The following MAEA variants were observed in gnomAD, a reference collection of about 807,000 sequenced individuals.
The protein encoded by MAEA is macrophage erythroblast attacher, E3 ubiquitin ligase.
In MAEA, 22 loss-of-function variants were observed where a neutral mutation model predicts 46.2. The ratio of observed to expected loss-of-function variants is 0.48; its 90% confidence interval spans 0.34 to 0.68. The LOEUF is 0.68. Ranked by LOEUF, MAEA falls within the 30% of genes least tolerant of loss-of-function variation. The pLI is 0.01. For missense variants in MAEA, 393 were observed against 558.1 expected (o/e 0.70, Z 2.98); for synonymous variants, 246 against 222.6 (o/e 1.11, Z -0.94).
intron 3 of MAEA, among the ~76,000 whole-genome samples, chr4:1,317,431 C>T (rs1193692274): frequency 6.6e-6 from 1 of 151,752 alleles, no homozygotes; most frequent in Non-Finnish European, 1.5e-5. Flanking sequence ...CTCTTGCTGG[C>T]TCTTGTCCTC....
chr4:1,301,736 A>G (rs1354431435), intron 1 of MAEA, among the ~76,000 whole-genome samples: 1 of 152,214 alleles, frequency 6.6e-6, no homozygotes, highest in Admixed American at 6.5e-5. Flanking sequence ...GTAAAAATAA[A>G]TAAGCACTGG....
At chr4:1,304,225 C>T (rs544142040) in intron 1 of MAEA, among the ~76,000 whole-genome samples, 5 of 152,124 alleles carry the variant, frequency 3.3e-5, no homozygotes, top group Admixed American at 2.6e-4. Flanking sequence ...TAAAGTATGC[C>T]CTAGCTTTCA....
chr4:1,302,409 A>G (rs1336354736), intron 1 of MAEA, among the ~76,000 whole-genome samples: 2 of 152,250 alleles, frequency 1.3e-5, no homozygotes, highest in Admixed American at 6.5e-5. Context: ...TGCCAGTCAT[A>G]TATCTGTTAA....
At chr4:1,304,254 G>A (rs889778290) in intron 1 of MAEA, among the ~76,000 whole-genome samples, 2 of 152,014 alleles carry the variant, frequency 1.3e-5, no homozygotes, top group Admixed American at 6.5e-5. Context: ...GTACAAAGAG[G>A]GTAAAGAATG....
intron 3 of MAEA, among the ~76,000 whole-genome samples, chr4:1,316,759 C>A (rs78729618): frequency 1.3e-5 from 2 of 152,138 alleles, no homozygotes; most frequent in Non-Finnish European, 2.9e-5. Context: ...CCTTCCCAGC[C>A]TTGGAGGCGG....
intron 2 of MAEA, among the ~76,000 whole-genome samples, chr4:1,314,705 C>T (rs1490598617): frequency 1.3e-5 from 2 of 152,172 alleles, no homozygotes; most frequent in African/African-American, 4.8e-5. Context: ...CTGAAGAAAA[C>T]AGAGACAAAG....
At chr4:1,312,406 G>T in intron 2 of MAEA, 4 of 437,910 alleles carry the variant, frequency 9.1e-6, no homozygotes, top group Non-Finnish European at 1.2e-5. Context: ...AGACCAGGAT[G>T]TATAGCAGGT....
chr4:1,295,748 G>GCCCCCCTCACCTGTGCCTGTAC (rs199963263), intron 1 of MAEA, among the ~76,000 whole-genome samples: 1 of 16,426 alleles, frequency 6.1e-5, no homozygotes, highest in Non-Finnish European at 9.4e-5. Context: ...CCGCGCCTGT[G>GCCCCCCTCACCTGTGCCTGTAC]CCCCCTCACC....
chr4:1,302,021 C>A (rs1365606258), intron 1 of MAEA, among the ~76,000 whole-genome samples: 1 of 152,216 alleles, frequency 6.6e-6, no homozygotes, highest in Non-Finnish European at 1.5e-5. Flanking sequence ...TTTGATATAA[C>A]CTTGAACCAG....
intron 1 of MAEA, among the ~76,000 whole-genome samples, chr4:1,300,487 A>G (rs1004759051): frequency 6.6e-6 from 1 of 152,202 alleles, no homozygotes; most frequent in Non-Finnish European, 1.5e-5. Flanking sequence ...GTGATTATGA[A>G]CTGACACTCC....
chr4:1,310,604 CCTG>C (rs1274239621), intron 1 of MAEA, among the ~76,000 whole-genome samples: 8 of 152,256 alleles, frequency 5.3e-5, no homozygotes, highest in African/African-American at 1.9e-4. Context: ...AAGGGTGAGT[CCTG>C]CTCGGTAGCA....
chr4:1,318,994 G>C (rs76562474), intron 3 of MAEA, among the ~76,000 whole-genome samples: 15 of 152,070 alleles, frequency 9.9e-5, no homozygotes, highest in African/African-American at 1.2e-4. Context: ...GCCTGCTGCC[G>C]AGGGAAGGCT....
At chr4:1,301,669 C>G (rs1220911465) in intron 1 of MAEA, among the ~76,000 whole-genome samples, 1 of 152,142 alleles carries the variant, frequency 6.6e-6, no homozygotes. Context: ...TCCCTGCACT[C>G]CAGCCTGAGC....
At chr4:1,335,846 G>A (rs1712692716) in intron 6 of MAEA, 1 of 64,146 alleles carries the variant, frequency 1.6e-5, no homozygotes, top group South Asian at 8.1e-4. Context: ...CACCTGCCCT[G>A]CAGTGTGTTG....
intron 1 of MAEA, chr4:1,309,662 G>C: frequency 6.5e-7 from 1 of 1,531,962 alleles, no homozygotes; most frequent in Non-Finnish European, 8.7e-7. Context: ...GACCCTGAGA[G>C]CCACTGGCAG....
intron 1 of MAEA, among the ~76,000 whole-genome samples, chr4:1,296,568 G>T (rs111468881): frequency 1.3e-5 from 2 of 150,940 alleles, no homozygotes; most frequent in Non-Finnish European, 2.9e-5. Context: ...TCTGTTGGTC[G>T]GTTTTCCCAT....
At position 1,339,128 on chromosome 4, in the gene MAEA, G is replaced by A. The variant is rs758937180; in HGVS notation, c.1150G>A (p.Val384Ile). Residue 384 changes from valine to isoleucine, a missense_variant, in exon 9 of 9, where the codon GTC (valine) becomes ATC (isoleucine). Transcript: ENST00000303400. The part of the protein sequence containing the change: ...DKVVCPRTKE[V>I]FHFSQAEKVY... ...AGTCGTGTGCCCGAGAACCAAAGAA[G>A]TCTTCCACTTCTCACAAGCCGAGAA... The A allele has an allele frequency of 1.2e-6, 2 of 1,613,974 alleles. No homozygotes were observed. The highest frequency in any genetic ancestry group is 2.2e-5 in the South Asian group (2 of 91,086).
Position 1,327,561 on chromosome 4 carries a change from C to T in MAEA, c.580-66C>T, listed in dbSNP as rs189709295. The stretch of plus-strand genomic sequence containing the variant: ...GGGTCTGCTGGTGGACATGCGGGTG[C>T]GGCACCCGGGCACCTGGGCTCTGTG... On this transcript the variant is annotated intron_variant, in intron 4 of 8. Transcript: ENST00000303400. 1,415 of 1,136,694 alleles carry T rather than the reference C, an allele frequency of 1.2e-3. 14 individuals carry two copies. The African/African-American group carries it at 0.018, about 14-fold the overall frequency. 70.4% of individuals were successfully genotyped at this position (1,136,694 alleles called of 1,614,324 possible).
chr4:1,327,453 C>G lies in MAEA; in HGVS notation c.580-174C>G, dbSNP rs73793368. Among the ~76,000 whole-genome samples the G allele has an allele frequency of 2.0e-3, 301 of 152,342 alleles. 4 individuals are homozygous for G. Among genetic ancestry groups the G allele is most frequent in the African/African-American group, 7.0e-3 (290 of 41,574 alleles). On this transcript the variant is annotated intron_variant, in intron 4 of 8. Coordinates refer to ENST00000303400, the MANE Select transcript of MAEA (RefSeq NM_001017405.3). ...CAGAACCCAGTGTTCCCTGGAAAGT[C>G]TGCTGCAGGTTAAAGTGGCAGCTTC...
Sources: allele counts gnomAD v4.1 joint callset (sites outside exome capture counted in the v4.1 genomes callset), GRCh38; gene constraint gnomAD v4.1.1; transcripts MANE v1.5; gene names NCBI Gene and HGNC (gene_info 2026-07-23, HGNC 2026-07-21).